SMYD3: variants seen among roughly 807,000 people sequenced by gnomAD.
SMYD3 encodes histone-lysine N-methyltransferase SMYD3.
SMYD3 carries 36 observed loss-of-function variants against 57.7 expected under a neutral mutation model. The ratio of observed to expected loss-of-function variants is 0.62; its 90% CI spans 0.48 to 0.82. The LOEUF (loss-of-function observed/expected upper bound fraction) is 0.82, where lower values mean the gene tolerates loss of function less well. SMYD3 is among the 40% of genes least tolerant of loss of function. The pLI, the probability that SMYD3 is intolerant of heterozygous loss-of-function variation, is 0.00. For synonymous variants in SMYD3, 211 were observed against 195.0 expected (o/e 1.08, Z -0.68); for missense variants, 515 against 538.8 (o/e 0.96, Z 0.44).
chr1:246,067,904 A>G (rs2060371598), intron 5 of SMYD3, among the ~76,000 whole-genome samples: 1 of 152,048 alleles, frequency 6.6e-6, no homozygotes, highest in Non-Finnish European at 1.5e-5. Flanking sequence ...GAAAGGCCAC[A>G]CTCTCCGGCA....
chr1:246,352,932 G>A (rs1197945218), intron 2 of SMYD3, among the ~76,000 whole-genome samples: 1 of 152,186 alleles, frequency 6.6e-6, no homozygotes, highest in African/African-American at 2.4e-5. Context: ...GCCTAGACTT[G>A]TGTCAAATAA....
At chr1:245,838,687 CGTTA>C (rs1048959599) in intron 10 of SMYD3, among the ~76,000 whole-genome samples, 2 of 152,298 alleles carry the variant, frequency 1.3e-5, no homozygotes, top group African/African-American at 4.8e-5. Context: ...GTTTAAGTCT[CGTTA>C]GTGTCATGGT....
chr1:245,915,674 A>C (rs370203670), intron 7 of SMYD3, 34 bp from the exon 8 acceptor site: 118 of 1,329,376 alleles, frequency 8.9e-5, no homozygotes, highest in Non-Finnish European at 1.2e-4. Flanking sequence ...GCGCTGAAAC[A>C]TCTGCTGTGC....
intron 9 of SMYD3, among the ~76,000 whole-genome samples, chr1:245,860,853 A>T (rs2051505320): frequency 6.6e-6 from 1 of 152,236 alleles, no homozygotes; most frequent in South Asian, 2.1e-4. Context: ...ACTGTCTCTT[A>T]CACATTGCTA....
chr1:245,864,411 T>C (rs1373220237), intron 8 of SMYD3, among the ~76,000 whole-genome samples: 5 of 152,180 alleles, frequency 3.3e-5, no homozygotes, highest in Admixed American at 3.3e-4. Flanking sequence ...CACAATAAAG[T>C]ACTACATGCT....
At chr1:245,901,046 T>C (rs1032238896) in intron 8 of SMYD3, among the ~76,000 whole-genome samples, 1 of 152,252 alleles carries the variant, frequency 6.6e-6, no homozygotes, top group Non-Finnish European at 1.5e-5. Context: ...ATCATGTTCA[T>C]GGACTCCTGC....
At chr1:245,941,359 TA>T (rs2057237497) in intron 5 of SMYD3, among the ~76,000 whole-genome samples, 1 of 152,036 alleles carries the variant, frequency 6.6e-6, no homozygotes, top group Non-Finnish European at 1.5e-5. Flanking sequence ...CCAAGACTCA[TA>T]ATCATCAGAT....
intron 4 of SMYD3, 48 bp from the exon 5 acceptor site, chr1:246,327,385 A>G: frequency 2.6e-6 from 4 of 1,550,684 alleles, no homozygotes; most frequent in Non-Finnish European, 3.5e-6. Context: ...TAAACTTCTG[A>G]AGGATAATTT....
intron 4 of SMYD3, among the ~76,000 whole-genome samples, chr1:246,328,631 T>C (rs2065398648): frequency 6.6e-6 from 1 of 152,022 alleles, no homozygotes; most frequent in African/African-American, 2.4e-5. Flanking sequence ...TTTTCTATTT[T>C]ATATGCTTGT....
At chr1:245,783,769 A>G (rs2046928053) in intron 10 of SMYD3, among the ~76,000 whole-genome samples, 1 of 152,232 alleles carries the variant, frequency 6.6e-6, no homozygotes, top group Non-Finnish European at 1.5e-5. Context: ...AAACCAAAAT[A>G]AAAAACACAG....
chr1:246,297,035 G>A (rs981527094), intron 5 of SMYD3, among the ~76,000 whole-genome samples: 1 of 152,110 alleles, frequency 6.6e-6, no homozygotes, highest in Non-Finnish European at 1.5e-5. Context: ...AAATAGTTTG[G>A]GCAATGATTC....
intron 5 of SMYD3, among the ~76,000 whole-genome samples, chr1:246,200,202 G>T (rs201741485): frequency 3.6e-3 from 19 of 5,310 alleles, no homozygotes; most frequent in East Asian, 0.012. Context: ...GAAGACAGAG[G>T]AGAACAGTGT....
intron 5 of SMYD3, among the ~76,000 whole-genome samples, chr1:245,946,574 C>T (rs1286243544): frequency 6.6e-6 from 1 of 152,050 alleles, no homozygotes; most frequent in Non-Finnish European, 1.5e-5. Flanking sequence ...CTACATGGTC[C>T]GATGTTCTCA....
At chr1:245,800,344 A>C (rs941325081) in intron 10 of SMYD3, among the ~76,000 whole-genome samples, 2 of 152,010 alleles carry the variant, frequency 1.3e-5, no homozygotes, top group Non-Finnish European at 2.9e-5. Context: ...GCAGTTCATA[A>C]CTATACACTA....
At chr1:246,041,978 T>C (rs1434503530) in intron 5 of SMYD3, among the ~76,000 whole-genome samples, 1 of 152,232 alleles carries the variant, frequency 6.6e-6, no homozygotes, top group East Asian at 1.9e-4. Context: ...TTGGTTTTAT[T>C]GCTTTCATTT....
intron 10 of SMYD3, among the ~76,000 whole-genome samples, chr1:245,813,543 G>C (rs147690784): frequency 1.4e-4 from 21 of 152,264 alleles, no homozygotes; most frequent in African/African-American, 5.1e-4. Context: ...TACATGAATA[G>C]TAATTATCTA....
chr1:246,335,555 T>C (rs751961102), intron 2 of SMYD3, 81 bp from the exon 3 acceptor site: 116 of 1,075,104 alleles, frequency 1.1e-4, no homozygotes, highest in Non-Finnish European at 1.6e-4. Flanking sequence ...TCAAGAGTCA[T>C]AAACATTAAA....
At chr1:246,104,351 A>G (rs926188910) in intron 5 of SMYD3, among the ~76,000 whole-genome samples, 1 of 152,266 alleles carries the variant, frequency 6.6e-6, no homozygotes, top group African/African-American at 2.4e-5. Context: ...TCCCTGGTAT[A>G]CAAAGACTAG....
At position 246,180,964 on chromosome 1, in the gene SMYD3, C is replaced by G. The variant is rs2062541765; in HGVS notation, c.531+146237G>C. ...AAAGCAACAAAATATCAGGGAGGAA[C>G]ATACTCTACTCTAATATGTCCATCA... On this transcript the variant is annotated intron_variant, in intron 5 of 11. Coordinates refer to ENST00000490107, the MANE Select transcript of SMYD3 (RefSeq NM_001167740.2). Among the ~76,000 whole-genome samples, 3 of 151,960 alleles carry G rather than the reference C, an allele frequency of 2.0e-5. No individual in the cohort carries two copies. The South Asian group carries it at 6.2e-4, about 32-fold the overall frequency.
Sources: gnomAD v4.1 joint callset for allele counts (sites outside exome capture counted in the v4.1 genomes callset) on GRCh38, gnomAD v4.1.1 for gene constraint, MANE v1.5 for transcripts, NCBI Gene and HGNC (gene_info 2026-07-23, HGNC 2026-07-21) for gene names.